The following ENPP2 variants were observed in gnomAD, a reference collection of about 807,000 sequenced individuals.
ENPP2 encodes autotaxin.
A neutral mutation model predicts 120.2 loss-of-function variants in ENPP2; 51 were observed. The observed-to-expected ratio is 0.42, with a 90% CI of 0.34 to 0.54. ENPP2 has a LOEUF of 0.54. ENPP2 is among the 20% of genes least tolerant of loss of function. The probability of loss-of-function intolerance (pLI) is 0.04; values close to 1 mark genes in which losing one functional copy is unlikely to be tolerated. For missense variants in ENPP2, 920 were observed against 1,066.5 expected (o/e 0.86, Z 1.91); for synonymous variants, 365 against 366.4 (o/e 1.00, Z 0.04).
At chr8:119,591,386 T>C (rs1011211610) in intron 12 of ENPP2, among the ~76,000 whole-genome samples, 6 of 152,224 alleles carry the variant, frequency 3.9e-5, no homozygotes, top group African/African-American at 1.4e-4. Flanking sequence ...AGATTTGTTG[T>C]GTGTCCCCAT....
chr8:119,668,482 T>G (rs1202916120), intron 1 of ENPP2, among the ~76,000 whole-genome samples: 2 of 145,584 alleles, frequency 1.4e-5, no homozygotes, highest in Non-Finnish European at 1.5e-5. Context: ...CAGGCTGGAG[T>G]GCAGTGGTGC....
Position 119,586,227 on chromosome 8 carries a change from C to A in ENPP2, c.1326G>T (p.Glu442Asp). 6.2e-7 allele frequency: 1 copy of A among 1,614,000 alleles called. No homozygotes were observed. The highest frequency in any genetic ancestry group is 1.1e-5 in the South Asian group (1 of 91,074). ...RLHYANNRRI[E>D]DIHLLVERRW... ...TGCGTTCCACCAATAAATGGATATCCTCAATTCTTCTGTTGTTGGCATAGT... is the reference window on the plus strand; with the variant it reads ...TGCGTTCCACCAATAAATGGATATCATCAATTCTTCTGTTGTTGGCATAGT... The change falls in exon 15 of 25, where the codon GAG (glutamate) becomes GAT (aspartate). Residue 442 changes from glutamate to aspartate, a missense_variant. Glu to Asp is a conservative substitution (Grantham distance 45, BLOSUM62 2). Transcript: ENST00000075322.
chr8:119,646,259 G>A (rs1217220566), intron 1 of ENPP2, among the ~76,000 whole-genome samples: 2 of 152,096 alleles, frequency 1.3e-5, no homozygotes, highest in Non-Finnish European at 2.9e-5. Flanking sequence ...ATGAGCCAGC[G>A]CATCCAGCCT....
chr8:119,595,820 A>T (rs762864406), intron 11 of ENPP2: 1 of 1,611,962 alleles, frequency 6.2e-7, no homozygotes, highest in East Asian at 2.2e-5. Context: ...GCCCGCCACA[A>T]AGCTTTGGAA....
At chr8:119,656,609 A>G (rs1448056161) in intron 1 of ENPP2, among the ~76,000 whole-genome samples, 1 of 152,216 alleles carries the variant, frequency 6.6e-6, no homozygotes, top group Non-Finnish European at 1.5e-5. Context: ...TAACTAACAC[A>G]AGAATCCAAG....
Position 119,637,947 on chromosome 8 carries a change from CAATTTTAAGTA to C in ENPP2, c.136+467_136+477del, listed in dbSNP as rs780951744. On this transcript the variant is annotated intron_variant, in intron 2 of 24. Coordinates refer to ENST00000075322, the MANE Select transcript of ENPP2 (RefSeq NM_001040092.3). ...ACACCTCCTCTCTTTTATGTTTTTC[CAATTTTAAGTA>C]AATCTTAAAGTCCTAAATTTCTGAA... 5.8e-4 allele frequency among the ~76,000 whole-genome samples: 89 copies of C among 152,254 alleles called. No individual in the cohort carries two copies. The Middle Eastern group carries it at 0.01, about 17-fold the overall frequency.
chr8:119,670,100 TC>T (rs1818196664), intron 1 of ENPP2, among the ~76,000 whole-genome samples: 1 of 152,132 alleles, frequency 6.6e-6, no homozygotes, highest in South Asian at 2.1e-4. Flanking sequence ...TAAAGAGGAT[TC>T]CTTTGCCTTC....
At chr8:119,640,262 T>C (rs1449568523), upstream of ENPP2, among the ~76,000 whole-genome samples, 1 of 152,248 alleles carries the variant, frequency 6.6e-6, no homozygotes, top group East Asian at 1.9e-4. Context: ...GTAAGCCTCT[T>C]GCTTTTGTCT....
At chr8:119,666,996 T>C (rs1046310270) in intron 1 of ENPP2, among the ~76,000 whole-genome samples, 27 of 152,026 alleles carry the variant, frequency 1.8e-4, no homozygotes, top group African/African-American at 6.5e-4. Context: ...TAAAAGAATG[T>C]CAGGGGTCGA....
intron 1 of ENPP2, among the ~76,000 whole-genome samples, chr8:119,669,941 C>T (rs1818191767): frequency 1.3e-5 from 2 of 152,224 alleles, no homozygotes; most frequent in South Asian, 2.1e-4. Flanking sequence ...AATTCTCCAT[C>T]ACTTTCTACA....
chr8:119,585,271 TC>T (rs1813023528), intron 15 of ENPP2, among the ~76,000 whole-genome samples: 1 of 152,208 alleles, frequency 6.6e-6, no homozygotes, highest in African/African-American at 2.4e-5. Context: ...CGTACATCTT[TC>T]TTCATAATCC....
chr8:119,643,492 A>G (rs1263233965), upstream of ENPP2, among the ~76,000 whole-genome samples: 6 of 152,164 alleles, frequency 3.9e-5, no homozygotes, highest in African/African-American at 1.2e-4. Context: ...TGACATCAAC[A>G]CTGTTGCAAC....
intron 2 of ENPP2, among the ~76,000 whole-genome samples, chr8:119,626,999 T>C (rs776132625): frequency 2.4e-4 from 37 of 152,168 alleles, no homozygotes; most frequent in Non-Finnish European, 4.7e-4. Context: ...GTCAGACATA[T>C]AGAAAGAGTA....
At chr8:119,635,186 C>T (rs1025918300) in intron 2 of ENPP2, among the ~76,000 whole-genome samples, 15 of 152,170 alleles carry the variant, frequency 9.9e-5, no homozygotes, top group African/African-American at 3.6e-4. Context: ...TTTCTGATTT[C>T]CCTATGATTC....
chr8:119,630,344 G>T (rs112562285), intron 2 of ENPP2, among the ~76,000 whole-genome samples: 1 of 152,112 alleles, frequency 6.6e-6, no homozygotes, highest in Admixed American at 6.5e-5. Context: ...CTGACCTCAG[G>T]TGATCCACCT....
chr8:119,582,457 A>G lies in ENPP2; in HGVS notation c.1689T>C (p.Phe563=). 6.2e-7 allele frequency: 1 copy of G among 1,614,098 alleles called. No homozygotes were observed. Among genetic ancestry groups the G allele is most frequent in the Non-Finnish European group, 8.5e-7 (1 of 1,179,962 alleles). The change falls in exon 18 of 25, where the codon TTT becomes TTC. Residue 563 remains phenylalanine, a synonymous_variant. Coordinates refer to ENST00000075322, the MANE Select transcript of ENPP2 (RefSeq NM_001040092.3). ...YPGIMYLQSD[F]DLGCTCDDKV... ...TATCATCACAAGTGCAGCCCAGGTC[A>G]AAATCAGACTGAAGGTACATAATCC...
chr8:119,564,217 T>G (rs1203755640), intron 23 of ENPP2, among the ~76,000 whole-genome samples: 1 of 151,898 alleles, frequency 6.6e-6, no homozygotes, highest in Non-Finnish European at 1.5e-5. Context: ...ACCCAAATAA[T>G]GAAGATAAGT....
chr8:119,601,127 A>T (rs1392321958), intron 10 of ENPP2, among the ~76,000 whole-genome samples: 1 of 152,132 alleles, frequency 6.6e-6, no homozygotes, highest in Non-Finnish European at 1.5e-5. Context: ...AATCCTTGGG[A>T]TGCTGCTGGT....
At position 119,633,392 on chromosome 8, in the gene ENPP2, G is replaced by C. The variant is rs999427135; in HGVS notation, c.136+5033C>G. ...CCCATTCTCCTTGGTTCTTAGCCCAGGTATTTCCTGAAAGTGAGAGCAAAA... is the reference window on the plus strand; with the variant it reads ...CCCATTCTCCTTGGTTCTTAGCCCACGTATTTCCTGAAAGTGAGAGCAAAA... On this transcript the variant is annotated intron_variant, in intron 2 of 24. Transcript: ENST00000075322. 2.6e-5 allele frequency among the ~76,000 whole-genome samples: 4 copies of C among 152,082 alleles called. No individual in the cohort carries two copies. In the East Asian group the frequency reaches 7.7e-4, roughly 29 times the overall value.
Sources: gnomAD v4.1 joint callset for allele counts (sites outside exome capture counted in the v4.1 genomes callset) on GRCh38, gnomAD v4.1.1 for gene constraint, MANE v1.5 for transcripts, NCBI Gene and HGNC (gene_info 2026-07-23, HGNC 2026-07-21) for gene names.